PDE4A: variants seen among roughly 807,000 people sequenced by gnomAD.
PDE4A encodes 3',5'-cyclic-AMP phosphodiesterase 4A.
In PDE4A, 21 loss-of-function variants were observed where a neutral mutation model predicts 73.9. The ratio of observed to expected loss-of-function variants is 0.28; its 90% CI spans 0.20 to 0.41. The LOEUF (loss-of-function observed/expected upper bound fraction) is 0.41. PDE4A is among the 10% of genes least tolerant of loss of function. The pLI, the probability that PDE4A is intolerant of heterozygous loss-of-function variation, is 1.00. For missense variants in PDE4A, 958 were observed against 1,211.4 expected (o/e 0.79, Z 3.10); for synonymous variants, 463 against 505.4 (o/e 0.92, Z 1.13).
chr19:10,421,736 G>C (rs1433603602), intron 1 of PDE4A, among the ~76,000 whole-genome samples: 2 of 152,168 alleles, frequency 1.3e-5, no homozygotes, highest in Admixed American at 1.3e-4. Flanking sequence ...CAGTGGAGGG[G>C]GGGCGCAGTC....
chr19:10,440,579 A>G (rs961024401), intron 1 of PDE4A, among the ~76,000 whole-genome samples: 4 of 152,042 alleles, frequency 2.6e-5, no homozygotes, highest in Admixed American at 2.6e-4. Flanking sequence ...GAGAGCCGCC[A>G]TGCCTGGCTA....
In PDE4A at chr19:10,425,223, A is replaced by C. The variant is rs138888480; in HGVS notation, c.320+4139A>C. On this transcript the variant is annotated intron_variant, in intron 1 of 14. Transcript: ENST00000380702. ...TGGCAGCAGAGCGAGACCCTGTCTC[A>C]AAAAAAAAAACAAAAAACAAAAAAC... Among the ~76,000 whole-genome samples the C allele has an allele frequency of 5.5e-4, 37 of 67,734 alleles. No homozygotes were observed. The East Asian group carries it at 0.02, about 36-fold the overall frequency. 44.4% of individuals were successfully genotyped at this position (67,734 alleles called of 152,430 possible). A position where few individuals can be genotyped will look rare whatever the true frequency, so the allele number is the denominator to read the frequency against.
At chr19:10,461,496 C>G in intron 11 of PDE4A, 30 bp from the exon 12 acceptor site, 1 of 1,609,966 alleles carries the variant, frequency 6.2e-7, no homozygotes, top group Non-Finnish European at 8.5e-7. Flanking sequence ...CACACGTGGG[C>G]CCTCCCCTGA....
At chr19:10,459,809 C>CTCTTCACT (rs763720044) in intron 10 of PDE4A, 50 bp downstream of exon 10, 55 of 1,551,876 alleles carry the variant, frequency 3.5e-5, no homozygotes, top group Non-Finnish European at 4.5e-5. Context: ...TTGTGACTGC[C>CTCTTCACT]TCTTCAGCCT....
At chr19:10,440,614 T>G (rs757028963) in intron 1 of PDE4A, among the ~76,000 whole-genome samples, 2 of 151,998 alleles carry the variant, frequency 1.3e-5, no homozygotes, top group Non-Finnish European at 2.9e-5. Context: ...TTATGTATTT[T>G]TTGAGACAGA....
intron 13 of PDE4A, 57 bp from the exon 14 acceptor site, chr19:10,463,736 C>T: frequency 6.3e-7 from 1 of 1,596,278 alleles, no homozygotes; most frequent in Non-Finnish European, 8.6e-7. Flanking sequence ...CCTGAGGTCT[C>T]AGACTGGGAC....
chr19:10,449,321 CAG>C (rs2043057027), intron 4 of PDE4A, among the ~76,000 whole-genome samples, 171 bp downstream of exon 4: 1 of 152,012 alleles, frequency 6.6e-6, no homozygotes, highest in African/African-American at 2.4e-5. Flanking sequence ...GCCTAAGACA[CAG>C]AGGTGTTTTT....
rs537854826 is a variant in PDE4A at position 10,432,146 on chromosome 19, G to A, written c.320+11062G>A. On this transcript the variant is annotated intron_variant, in intron 1 of 14. Coordinates refer to ENST00000380702, the MANE Select transcript of PDE4A (RefSeq NM_001111307.2). ...CCGGAGCCGGGAAACCGGAGCCCCG[G>A]GGCACCCCAGAGGCCTAGGAGGGAG... Among the ~76,000 whole-genome samples the A allele has an allele frequency of 3.7e-3, 526 of 142,496 alleles. 4 individuals are homozygous for A. Among genetic ancestry groups the A allele is most frequent in the African/African-American group, 0.013 (495 of 38,870 alleles). The allele number at this position is 142,496 out of a possible 152,430, so 93.5% of individuals were successfully genotyped here.
At position 10,467,776 on chromosome 19, in the gene PDE4A, C is replaced by A; in HGVS notation, c.*155C>A. On this transcript the variant is annotated 3_prime_UTR_variant, in exon 15 of 15. Coordinates refer to ENST00000380702, the MANE Select transcript of PDE4A (RefSeq NM_001111307.2). ...GGTTTTTTTCTGTTTTCTTTTTTTCCCCTTTCCCCCTGCCCCCACCCACGG... is the reference window on the plus strand; with the variant it reads ...GGTTTTTTTCTGTTTTCTTTTTTTCACCTTTCCCCCTGCCCCCACCCACGG... 1.8e-6 allele frequency: 1 copy of A among 551,802 alleles called. No individual in the cohort carries two copies. Among genetic ancestry groups the A allele is most frequent in the Non-Finnish European group, 2.9e-6 (1 of 344,922 alleles). 34.2% of individuals were successfully genotyped at this position (551,802 alleles called of 1,614,324 possible). A position where few individuals can be genotyped will look rare whatever the true frequency, so the allele number is the denominator to read the frequency against.
At chr19:10,430,922 C>T in intron 1 of PDE4A, 1 of 1,510,084 alleles carries the variant, frequency 6.6e-7, no homozygotes. Flanking sequence ...CGGCTGAGGA[C>T]GAGGCGTTCC....
Position 10,467,509 on chromosome 19 carries a change from G to T in PDE4A, c.2549G>T (p.Arg850Leu), listed in dbSNP as rs1334947201. Residue 850 changes from arginine to leucine, a missense_variant, in exon 15 of 15, where the codon CGA becomes CTA. By Grantham distance (102) the Arg-to-Leu change is moderately radical. Transcript: ENST00000380702. ...PSTAAEVEAQREHQAAKRACS... is the reference protein window; with the variant it reads ...PSTAAEVEAQLEHQAAKRACS... Reference sequence around the variant, plus strand: ...ACGGCGGCCGAGGTGGAGGCCCAACGAGAGCACCAGGCTGCCAAGAGGGCT... The same window carrying T: ...ACGGCGGCCGAGGTGGAGGCCCAACTAGAGCACCAGGCTGCCAAGAGGGCT... 6.2e-7 allele frequency: 1 copy of T among 1,612,808 alleles called. No individual in the cohort carries two copies. The highest frequency in any genetic ancestry group is 1.7e-5 in the Admixed American group (1 of 60,026).
At chr19:10,441,478 A>G (rs1017927145) in intron 1 of PDE4A, among the ~76,000 whole-genome samples, 6 of 151,710 alleles carry the variant, frequency 4.0e-5, no homozygotes, top group Admixed American at 6.6e-5. Flanking sequence ...GCTGGCCACA[A>G]GCTCCTGGTC....
Position 10,432,179 on chromosome 19 carries a change from G to T in PDE4A, c.320+11095G>T, listed in dbSNP as rs1299224087. Among the ~76,000 whole-genome samples the T allele has an allele frequency of 2.8e-4, 31 of 111,724 alleles. 1 individual carries two copies. Among genetic ancestry groups the T allele is most frequent in the Middle Eastern group, 4.1e-3 (1 of 246 alleles). The allele number at this position is 111,724 out of a possible 152,430, so 73.3% of individuals were successfully genotyped here. On this transcript the variant is annotated intron_variant, in intron 1 of 14. Coordinates refer to ENST00000380702, the MANE Select transcript of PDE4A (RefSeq NM_001111307.2). Reference sequence around the variant, plus strand: ...CAGAGGCCTAGGAGGGAGGAGACGGGGGGGGGGGGGGGAAGTGTGCGTCCG... The same window carrying T: ...CAGAGGCCTAGGAGGGAGGAGACGGTGGGGGGGGGGGGAAGTGTGCGTCCG...
intron 7 of PDE4A, among the ~76,000 whole-genome samples, chr19:10,457,014 A>G (rs1262278899): frequency 6.6e-6 from 1 of 152,016 alleles, no homozygotes; most frequent in African/African-American, 2.4e-5. Context: ...CCTGGCCAAC[A>G]TGATGAAACT....
intron 1 of PDE4A, among the ~76,000 whole-genome samples, chr19:10,435,589 C>CAAACAA (rs1260823164): frequency 6.6e-6 from 1 of 151,674 alleles, no homozygotes. Flanking sequence ...CACACACACA[C>CAAACAA]ACAAACAAAC....
chr19:10,464,590 A>T (rs1363631072), intron 14 of PDE4A, among the ~76,000 whole-genome samples: 1 of 151,684 alleles, frequency 6.6e-6, no homozygotes, highest in Non-Finnish European at 1.5e-5. Flanking sequence ...CTAATTTTTT[A>T]AAATTTTTTG....
chr19:10,451,231 G>C (rs1216367539), intron 6 of PDE4A, among the ~76,000 whole-genome samples: 2 of 151,672 alleles, frequency 1.3e-5, no homozygotes, highest in East Asian at 1.9e-4. Flanking sequence ...TCTCTGGGTA[G>C]GGTCTATGGT....
At chr19:10,457,780 G>A (rs2043194854) in intron 7 of PDE4A, 99 bp from the exon 8 acceptor site, 3 of 1,538,098 alleles carry the variant, frequency 2.0e-6, no homozygotes, top group Non-Finnish European at 2.6e-6. Flanking sequence ...TGCCGTTTCG[G>A]GTGAGCCTTC....
At chr19:10,432,629 C>CT in intron 1 of PDE4A, 4 of 1,459,628 alleles carry the variant, frequency 2.7e-6, no homozygotes, top group Non-Finnish European at 3.7e-6. Flanking sequence ...ACTGGCTGTG[C>CT]TGGGGGGGTG....
Sources: allele counts gnomAD v4.1 joint callset (sites outside exome capture counted in the v4.1 genomes callset), GRCh38; gene constraint gnomAD v4.1.1; transcripts MANE v1.5; gene names NCBI Gene and HGNC (gene_info 2026-07-23, HGNC 2026-07-21).